The following TRIP12 variants were observed in gnomAD, a reference collection of about 807,000 sequenced individuals.
The protein encoded by TRIP12 is E3 ubiquitin-protein ligase TRIP12.
TRIP12 carries 25 observed loss-of-function variants against 244.2 expected under a neutral mutation model. That is an observed-to-expected ratio of 0.10 (90% confidence interval 0.07 to 0.14). The LOEUF (loss-of-function observed/expected upper bound fraction) is 0.14. Among genes scored for constraint, TRIP12 ranks in the 10% least tolerant of loss-of-function variants. The pLI is 1.00. For missense variants in TRIP12, 1,677 were observed against 2,486.4 expected (o/e 0.67, Z 6.92); for synonymous variants, 905 against 873.1 (o/e 1.04, Z -0.64).
In TRIP12 at chr2:229,767,324, C is replaced by T; in HGVS notation, c.*230G>A. 1 of 400,668 alleles carries T rather than the reference C, an allele frequency of 2.5e-6. No individual in the cohort carries two copies. Among genetic ancestry groups the T allele is most frequent in the Non-Finnish European group, 4.4e-6 (1 of 229,884 alleles). 24.8% of individuals were successfully genotyped at this position (400,668 alleles called of 1,614,324 possible). A position where few individuals can be genotyped will look rare whatever the true frequency, so the allele number is the denominator to read the frequency against. On this transcript the variant is annotated 3_prime_UTR_variant, in exon 42 of 42. Coordinates refer to ENST00000675903, the MANE Select transcript of TRIP12 (RefSeq NM_001348323.3). ...CTCATCAAATAAATGATAATTTAAACAAGAACTTGCTAAAGAAACCTCATC... is the reference window on the plus strand; with the variant it reads ...CTCATCAAATAAATGATAATTTAAATAAGAACTTGCTAAAGAAACCTCATC...
chr2:229,817,753 C>G (rs2048864295), intron 9 of TRIP12, among the ~76,000 whole-genome samples: 2 of 152,014 alleles, frequency 1.3e-5, no homozygotes, highest in South Asian at 4.2e-4. Flanking sequence ...TGCAACCATG[C>G]CCGGCTAATT....
At chr2:229,880,161 G>T in intron 1 of TRIP12, 33 bp from the exon 2 acceptor site, 1 of 1,315,424 alleles carries the variant, frequency 7.6e-7, no homozygotes, top group Non-Finnish European at 1.1e-6. Context: ...AAATTTATCA[G>T]ATGTACAAAA....
chr2:229,805,957 T>A, intron 17 of TRIP12, 74 bp from the exon 18 acceptor site: 1 of 1,192,744 alleles, frequency 8.4e-7, no homozygotes. Flanking sequence ...GTGGGGACCC[T>A]CCAAATATGC....
At chr2:229,803,517 A>T in intron 20 of TRIP12, 54 bp downstream of exon 20, 1 of 1,186,900 alleles carries the variant, frequency 8.4e-7, no homozygotes, top group East Asian at 2.4e-5. Flanking sequence ...TTAAAACTTT[A>T]TTTCTGTTGA....
chr2:229,797,278 G>T (rs1192270681), intron 24 of TRIP12, among the ~76,000 whole-genome samples: 1 of 152,100 alleles, frequency 6.6e-6, no homozygotes, highest in Non-Finnish European at 1.5e-5. Context: ...CTGAGAACCA[G>T]ATGAAACGTA....
chr2:229,872,038 A>AT (rs1196132784), intron 2 of TRIP12, among the ~76,000 whole-genome samples: 2 of 149,918 alleles, frequency 1.3e-5, no homozygotes. Flanking sequence ...CATAATTGAT[A>AT]TATCTACATA....
At chr2:229,790,641 T>G (rs989098402) in intron 30 of TRIP12, among the ~76,000 whole-genome samples, 1 of 152,036 alleles carries the variant, frequency 6.6e-6, no homozygotes, top group Non-Finnish European at 1.5e-5. Flanking sequence ...AGGAAAACTA[T>G]AGACAGGAAG....
At chr2:229,772,253 A>G (rs1166392067) in intron 38 of TRIP12, among the ~76,000 whole-genome samples, 1 of 152,208 alleles carries the variant, frequency 6.6e-6, no homozygotes, top group Admixed American at 6.5e-5. Context: ...AAAAATGAAA[A>G]CATTAGGATT....
chr2:229,917,612 T>C (rs1337068131), intron 1 of TRIP12, among the ~76,000 whole-genome samples: 1 of 151,976 alleles, frequency 6.6e-6, no homozygotes, highest in Non-Finnish European at 1.5e-5. Flanking sequence ...GCAGTGACAG[T>C]TGATATCCAT....
At chr2:229,907,140 C>G (rs1379818098) in intron 1 of TRIP12, among the ~76,000 whole-genome samples, 2 of 152,310 alleles carry the variant, frequency 1.3e-5, no homozygotes, top group African/African-American at 4.8e-5. Context: ...TTGACTGTAA[C>G]TTTATACATT....
At chr2:229,867,169 T>C (rs1448378785) in intron 2 of TRIP12, among the ~76,000 whole-genome samples, 1 of 68,040 alleles carries the variant, frequency 1.5e-5, no homozygotes, top group East Asian at 6.0e-4. Flanking sequence ...GTTTGTTTGT[T>C]TGTTTTTTTT....
chr2:229,870,825 A>G, intron 2 of TRIP12, among the ~76,000 whole-genome samples: 1 of 152,170 alleles, frequency 6.6e-6, no homozygotes, highest in Non-Finnish European at 1.5e-5. Flanking sequence ...TGATTGGTAC[A>G]CTGACAGCTT....
rs550073638 is a variant in TRIP12 at position 229,853,998 on chromosome 2, T to A, written c.1027+4774A>T. Among the ~76,000 whole-genome samples, 3 of 152,360 alleles carry A rather than the reference T, an allele frequency of 2.0e-5. No individual in the cohort carries two copies. In the East Asian group the frequency reaches 5.8e-4, roughly 29 times the overall value. The stretch of plus-strand genomic sequence containing the variant: ...GATGTATCCATTTATATAGGTTACA[T>A]GTTTACATATAAAATTATGCAATTT... On this transcript the variant is annotated intron_variant, in intron 4 of 41. Transcript: ENST00000675903.
chr2:229,856,057 A>G (rs1274670070), intron 4 of TRIP12, among the ~76,000 whole-genome samples: 1 of 151,420 alleles, frequency 6.6e-6, no homozygotes, highest in African/African-American at 2.4e-5. Context: ...AAAAAAAAAA[A>G]GTGTATCCTA....
rs916879871 is a variant in TRIP12 at position 229,807,971 on chromosome 2, A to G, written c.2340-107T>C. 2.8e-5 allele frequency: 36 copies of G among 1,280,692 alleles called. No homozygotes were observed. The South Asian group carries it at 4.4e-4, about 15-fold the overall frequency. 79.3% of individuals were successfully genotyped at this position (1,280,692 alleles called of 1,614,324 possible). The stretch of plus-strand genomic sequence containing the variant: ...ACAAACCAAAAGTTGTATTTAGACC[A>G]ATTTTTTTTTTGGAGACAGAGTCTC... On this transcript the variant is annotated intron_variant, in intron 16 of 41. Transcript: ENST00000675903.
intron 6 of TRIP12, among the ~76,000 whole-genome samples, chr2:229,833,599 G>C (rs1025649079): frequency 4.6e-5 from 7 of 152,144 alleles, no homozygotes; most frequent in African/African-American, 1.4e-4. Flanking sequence ...ATTATCAGTA[G>C]AGGGTAGGGT....
At chr2:229,882,515 C>G (rs1436061798) in intron 1 of TRIP12, among the ~76,000 whole-genome samples, 2 of 152,014 alleles carry the variant, frequency 1.3e-5, no homozygotes, top group African/African-American at 4.8e-5. Flanking sequence ...TGCGATACAC[C>G]AAGAAGTTCA....
chr2:229,785,374 G>T lies in TRIP12; in HGVS notation c.5094+383C>A, dbSNP rs147158619. Among the ~76,000 whole-genome samples, 226 of 152,238 alleles carry T rather than the reference G, an allele frequency of 1.5e-3. 1 individual carries two copies. Among genetic ancestry groups the T allele is most frequent in the South Asian group, 4.1e-3 (20 of 4,822 alleles). ...GTATTCTTTATCTTGACGTGAAAGT[G>T]GTAACAAATTGCATCTGTCAACCCT... On this transcript the variant is annotated intron_variant, in intron 34 of 41. Transcript: ENST00000675903.
At chr2:229,805,267 G>C (rs1287788770) in intron 18 of TRIP12, among the ~76,000 whole-genome samples, 1 of 94,950 alleles carries the variant, frequency 1.1e-5, no homozygotes, top group Non-Finnish European at 2.4e-5. Flanking sequence ...GCAGACCACT[G>C]TTCTCTAAAC....
Sources: gnomAD v4.1 joint callset for allele counts (sites outside exome capture counted in the v4.1 genomes callset) on GRCh38, gnomAD v4.1.1 for gene constraint, MANE v1.5 for transcripts, NCBI Gene and HGNC (gene_info 2026-07-23, HGNC 2026-07-21) for gene names.